BSN: variants seen among roughly 807,000 people sequenced by gnomAD.
BSN encodes protein bassoon.
In BSN, 57 loss-of-function variants were observed where a neutral mutation model predicts 264.8. The ratio of observed to expected loss-of-function variants is 0.22; its 90% CI spans 0.17 to 0.27. BSN has a LOEUF of 0.27. BSN is among the 10% of genes least tolerant of loss of function. The pLI is 1.00. For synonymous variants in BSN, 2,059 were observed against 2,137.3 expected (o/e 0.96, Z 1.01); for missense variants, 4,615 against 5,232.5 (o/e 0.88, Z 3.64).
intron 1 of BSN, among the ~76,000 whole-genome samples, chr3:49,622,325 C>T (rs965765694): frequency 3.3e-5 from 5 of 152,124 alleles, no homozygotes; most frequent in Admixed American, 2.0e-4. Flanking sequence ...ACATATATCG[C>T]GATCTCCAGG....
In BSN at chr3:49,652,911, C is replaced by T. The variant is rs774298350; in HGVS notation, c.3355C>T (p.His1119Tyr). 2.5e-6 allele frequency: 4 copies of T among 1,610,290 alleles called. No homozygotes were observed. The highest frequency in any genetic ancestry group is 1.1e-5 in the South Asian group (1 of 90,760). The change falls in exon 5 of 12, where the codon CAC becomes TAC. Residue 1119 changes from histidine to tyrosine, a missense_variant. Physicochemically the swap from His to Tyr is moderately conservative, Grantham distance 83 (BLOSUM62 2). Around this residue, in one of 3 missense-constraint regions of BSN, gnomAD observed 3,415 missense variants for 3,866.4 expected, o/e 0.88. Coordinates refer to ENST00000296452, the MANE Select transcript of BSN (RefSeq NM_003458.4). Reference sequence around the variant, plus strand: ...GCAGGCGGCCGAGATGGAGGAGCTACACCGCTCCTCCTGCTCTGAGTACTC... The same window carrying T: ...GCAGGCGGCCGAGATGGAGGAGCTATACCGCTCCTCCTGCTCTGAGTACTC... Reference protein sequence around the residue: ...LRQAAEMEELHRSSCSEYSPS... With the variant: ...LRQAAEMEELYRSSCSEYSPS...
Position 49,662,945 on chromosome 3 carries a change from G to A in BSN, c.10787G>A (p.Arg3596Lys). The stretch of plus-strand genomic sequence containing the variant: ...CGGGATGCCCGCTCTGACCGGTTCA[G>A]GCACCACGGGGGCCATGCAGTTTCC... Reference protein sequence around the residue: ...KPRDARSDRFRHHGGHAVSSS... With the variant: ...KPRDARSDRFKHHGGHAVSSS... The change falls in exon 7 of 12, where the codon AGG becomes AAG. Residue 3596 changes from arginine (R) to lysine (K), a missense_variant. Coordinates refer to ENST00000296452, the MANE Select transcript of BSN (RefSeq NM_003458.4). 6.2e-7 allele frequency: 1 copy of A among 1,613,998 alleles called. No individual in the cohort carries two copies. The highest frequency in any genetic ancestry group is 8.5e-7 in the Non-Finnish European group (1 of 1,179,936).
chr3:49,650,942 G>A lies in BSN; in HGVS notation c.1849G>A (p.Glu617Lys). Residue 617 changes from glutamate to lysine, a missense_variant, in exon 4 of 12, where the codon GAG (glutamate) becomes AAG (lysine). Physicochemically the swap from Glu to Lys is moderately conservative, Grantham distance 56. This residue lies in a region of BSN where 1,197 missense variants were observed against 1,348.0 expected (regional missense o/e 0.89). Transcript: ENST00000296452. ...EKKTRVPTKA[E>K]PMPKPPPETT... The stretch of plus-strand genomic sequence containing the variant: ...GAAGACCCGAGTCCCCACTAAAGCT[G>A]AGCCCATGCCGAAGCCACCTCCAGA... 2 of 1,614,154 alleles carry A rather than the reference G, an allele frequency of 1.2e-6. No individual in the cohort carries two copies. Among genetic ancestry groups the A allele is most frequent in the East Asian group, 2.2e-5 (1 of 44,890 alleles).
chr3:49,583,852 C>T (rs190701856), intron 1 of BSN, among the ~76,000 whole-genome samples: 18 of 152,000 alleles, frequency 1.2e-4, no homozygotes, highest in Admixed American at 1.2e-3. Flanking sequence ...TCATAGTATT[C>T]TCTTGCAATC....
chr3:49,654,538 C>G lies in BSN; in HGVS notation c.4982C>G (p.Pro1661Arg), dbSNP rs1433322963. 1 of 1,610,726 alleles carries G rather than the reference C, an allele frequency of 6.2e-7. No homozygotes were observed. The part of the protein sequence containing the change: ...TSRVEPGPRT[P>R]GTAVVDLRTA... Reference sequence around the variant, plus strand: ...AGGGTTGAGCCAGGCCCCAGGACCCCTGGCACTGCAGTGGTAGACCTCCGT... The same window carrying G: ...AGGGTTGAGCCAGGCCCCAGGACCCGTGGCACTGCAGTGGTAGACCTCCGT... Residue 1661 changes from proline (P) to arginine (R), a missense_variant, in exon 5 of 12, where the codon CCT becomes CGT. By Grantham distance (103) the Pro-to-Arg change is moderately radical. Coordinates refer to ENST00000296452, the MANE Select transcript of BSN (RefSeq NM_003458.4). This position sits in a 1 kb window ranked among gnomAD's most constrained non-coding sequence, Gnocchi z 4.1.
In BSN at chr3:49,589,008, G is replaced by A. The variant is rs568368684; in HGVS notation, c.224+34182G>A. Among the ~76,000 whole-genome samples the A allele has an allele frequency of 5.3e-5, 8 of 150,374 alleles. 1 individual carries two copies. In the South Asian group the frequency reaches 1.7e-3, roughly 32 times the overall value. On this transcript the variant is annotated intron_variant, in intron 1 of 11. Transcript: ENST00000296452. The stretch of plus-strand genomic sequence containing the variant: ...CCACGCACTGCAAGCTCCGCCTCCC[G>A]CGTTTACGCCATTCTCCTGCCTCAG...
intron 1 of BSN, among the ~76,000 whole-genome samples, chr3:49,606,965 A>C (rs1227535372): frequency 6.6e-6 from 1 of 152,028 alleles, no homozygotes; most frequent in Non-Finnish European, 1.5e-5. Context: ...AAAATACAAA[A>C]ATTAGCCGGA....
rs752037228 is a variant in BSN, at chr3:49,653,916, T to C, written c.4360T>C (p.Leu1454=). The C allele has an allele frequency of 6.2e-7, 1 of 1,614,128 alleles. No individual in the cohort carries two copies. The highest frequency in any genetic ancestry group is 8.5e-7 in the Non-Finnish European group (1 of 1,179,992). ...AAGRAAREKP[L]SASDGEGGTP... is the part of the protein sequence containing the mutation. Reference sequence around the variant, plus strand: ...TGGACGAGCTGCTAGAGAGAAGCCCTTGAGTGCGAGTGACGGTGAGGGTGG... The same window carrying C: ...TGGACGAGCTGCTAGAGAGAAGCCCCTGAGTGCGAGTGACGGTGAGGGTGG... Residue 1454 remains leucine, a synonymous_variant, in exon 5 of 12, where the codon TTG becomes CTG. Coordinates refer to ENST00000296452, the MANE Select transcript of BSN (RefSeq NM_003458.4). The surrounding 1 kb of genome is among the most constrained non-coding windows in gnomAD (Gnocchi z 6.3).
Position 49,663,270 on chromosome 3 carries a change from G to A in BSN, c.11112G>A (p.Glu3704=), listed in dbSNP as rs2052680465. Residue 3704 remains glutamate (E), a synonymous_variant, in exon 7 of 12, where the codon GAG becomes GAA. Transcript: ENST00000296452. ...AGCCTGGGTATCCCAGCTCTGCTGA[G>A]TACTCACAGCCATCCCGTGCTTCAT... ...KGQPGYPSSA[E]YSQPSRASSA... is the part of the protein sequence containing the mutation. 7 of 1,614,136 alleles carry A rather than the reference G, an allele frequency of 4.3e-6. No individual in the cohort carries two copies. The highest frequency in any genetic ancestry group is 5.9e-6 in the Non-Finnish European group (7 of 1,180,028).
rs747554602 is a variant in BSN, at chr3:49,663,899, T to A, written c.11608+13T>A. On this transcript the variant is annotated intron_variant, in intron 8 of 11. Coordinates refer to ENST00000296452, the MANE Select transcript of BSN (RefSeq NM_003458.4). ...CCTGGACCTGCAGGTGAGCCTATCC[T>A]TTGACACCCTTGGCTGTGGCCCAGA... 8 of 1,612,586 alleles carry A rather than the reference T, an allele frequency of 5.0e-6. No homozygotes were observed. The highest frequency in any genetic ancestry group is 3.3e-5 in the Admixed American group (2 of 59,972).
chr3:49,663,974 C>A, intron 8 of BSN, 88 bp downstream of exon 8: 2 of 1,233,490 alleles, frequency 1.6e-6, no homozygotes, highest in Non-Finnish European at 2.3e-6. Flanking sequence ...AGCTCCCCCA[C>A]ACTGCATGCC....
intron 1 of BSN, among the ~76,000 whole-genome samples, chr3:49,555,540 G>C (rs2051660495): frequency 6.6e-6 from 1 of 152,208 alleles, no homozygotes; most frequent in Non-Finnish European, 1.5e-5. Context: ...CAGTGGAAAA[G>C]CTGAAACCCA....
intron 5 of BSN, among the ~76,000 whole-genome samples, chr3:49,658,622 T>A (rs1397394749): frequency 1.3e-5 from 2 of 152,158 alleles, no homozygotes; most frequent in African/African-American, 4.8e-5. Flanking sequence ...GCTGCTCTCG[T>A]CCTCTCAGTC....
chr3:49,605,636 C>A (rs761291833), intron 1 of BSN, among the ~76,000 whole-genome samples: 150 of 8,470 alleles, frequency 0.018, 9 homozygotes, highest in African/African-American at 0.035. Flanking sequence ...ATATATATTA[C>A]ATATATGTAA....
At chr3:49,620,086 GA>G (rs1213115587) in intron 1 of BSN, among the ~76,000 whole-genome samples, 1 of 152,152 alleles carries the variant, frequency 6.6e-6, no homozygotes, top group Non-Finnish European at 1.5e-5. Context: ...AGAGGCAGGG[GA>G]GACAAGCACA....
chr3:49,667,157 C>T (rs1041251360), intron 11 of BSN, among the ~76,000 whole-genome samples: 2 of 152,144 alleles, frequency 1.3e-5, no homozygotes, highest in African/African-American at 2.4e-5. Flanking sequence ...AAAGAAATCT[C>T]CCTTGAGTTC....
intron 3 of BSN, among the ~76,000 whole-genome samples, chr3:49,650,361 TG>T (rs1333058019): frequency 6.6e-6 from 1 of 152,188 alleles, no homozygotes; most frequent in Non-Finnish European, 1.5e-5. Context: ...AAAAGTTCTC[TG>T]TGGGTTAAGG....
At chr3:49,558,811 G>A (rs2051692625) in intron 1 of BSN, among the ~76,000 whole-genome samples, 1 of 152,140 alleles carries the variant, frequency 6.6e-6, no homozygotes, top group African/African-American at 2.4e-5. Flanking sequence ...GGGAAAGCAG[G>A]CTACTTTTGA....
rs116760396 is a variant in BSN at position 49,590,333 on chromosome 3, A to G, written c.225-34642A>G. Among the ~76,000 whole-genome samples the G allele has an allele frequency of 1.4e-3, 213 of 152,144 alleles. 1 individual carries two copies. Among genetic ancestry groups the G allele is most frequent in the African/African-American group, 4.9e-3 (202 of 41,420 alleles). Reference sequence around the variant, plus strand: ...TTTGTTGGATTCTTTAAAAAAAACAAATCTGATAATCTCTGCCTTTAGATT... The same window carrying G: ...TTTGTTGGATTCTTTAAAAAAAACAGATCTGATAATCTCTGCCTTTAGATT... On this transcript the variant is annotated intron_variant, in intron 1 of 11. Coordinates refer to ENST00000296452, the MANE Select transcript of BSN (RefSeq NM_003458.4).
Sources: gnomAD v4.1 joint callset for allele counts (sites outside exome capture counted in the v4.1 genomes callset) on GRCh38, gnomAD v4.1.1 for gene constraint, gnomAD v4.1.1 regional missense constraint, Gnocchi (gnomAD v3.1) non-coding constraint, MANE v1.5 for transcripts, NCBI Gene and HGNC (gene_info 2026-07-23, HGNC 2026-07-21) for gene names.